The following ST3GAL5 variants were observed in gnomAD, a reference collection of about 807,000 sequenced individuals.
The protein encoded by ST3GAL5 is lactosylceramide alpha-2,3-sialyltransferase.
In ST3GAL5, 25 loss-of-function variants were observed where a neutral mutation model predicts 46.1. The observed-to-expected ratio is 0.54, with a 90% confidence interval of 0.40 to 0.76. ST3GAL5 has a LOEUF of 0.76. ST3GAL5 is among the 30% of genes least tolerant of loss of function. ST3GAL5 has a pLI of 0.00. For synonymous variants in ST3GAL5, 182 were observed against 192.7 expected, an observed-to-expected ratio of 0.94 and a Z score of 0.46; for missense variants, 431 against 521.2, an observed-to-expected ratio of 0.83 and a Z score of 1.69.
At chr2:85,844,150 T>C (rs1209936914) in intron 6 of ST3GAL5, among the ~76,000 whole-genome samples, 2 of 152,184 alleles carry the variant, frequency 1.3e-5, no homozygotes, top group African/African-American at 2.4e-5. Context: ...CTTAAAATAG[T>C]ATCTCAGTGA....
At chr2:85,860,471 A>G (rs1365457434) in intron 3 of ST3GAL5, among the ~76,000 whole-genome samples, 1 of 152,266 alleles carries the variant, frequency 6.6e-6, no homozygotes, top group East Asian at 1.9e-4. Context: ...TAAGCATTTG[A>G]TATGTCACTT....
chr2:85,838,333 G>C lies in ST3GAL5; in HGVS notation c.*1811C>G, dbSNP rs1003307488. ...CAAGTCTCCTCATACCAGCAAGGAG[G>C]CGCTCGTAGCATTAAGAACGTTGTC... On this transcript the variant is annotated 3_prime_UTR_variant, in exon 7 of 7. Coordinates refer to ENST00000638572, the MANE Select transcript of ST3GAL5 (RefSeq NM_003896.4). 1 of 152,150 alleles carries C rather than the reference G, an allele frequency of 6.6e-6. No individual in the cohort carries two copies. Among genetic ancestry groups the C allele is most frequent in the Non-Finnish European group, 1.5e-5 (1 of 68,056 alleles). The allele number at this position is 152,150 out of a possible 1,614,324, so 9.4% of individuals were successfully genotyped here.
chr2:85,859,057 T>C (rs1684453434), intron 3 of ST3GAL5, among the ~76,000 whole-genome samples: 1 of 152,220 alleles, frequency 6.6e-6, no homozygotes, highest in Admixed American at 6.5e-5. Flanking sequence ...TTGACACAGA[T>C]GTGCCTGGCT....
intron 1 of ST3GAL5, among the ~76,000 whole-genome samples, chr2:85,865,253 G>C (rs1050685845): frequency 2.0e-5 from 3 of 152,050 alleles, no homozygotes; most frequent in African/African-American, 7.2e-5. Flanking sequence ...GTTTTTAGTT[G>C]GATGGAAGAA....
upstream of ST3GAL5, chr2:85,889,006 C>T (rs1217596129): frequency 2.2e-6 from 2 of 927,904 alleles, no homozygotes; most frequent in Non-Finnish European, 2.8e-6. Flanking sequence ...CCGCCGCTCC[C>T]CCGCTCAGAT....
intron 1 of ST3GAL5, among the ~76,000 whole-genome samples, chr2:85,863,997 C>T (rs1026165284): frequency 2.0e-5 from 3 of 152,192 alleles, no homozygotes; most frequent in African/African-American, 7.2e-5. Flanking sequence ...TGAGCCACTG[C>T]ACCCGGCTGA....
At chr2:85,863,840 T>G (rs928150211) in intron 1 of ST3GAL5, among the ~76,000 whole-genome samples, 12 of 152,226 alleles carry the variant, frequency 7.9e-5, no homozygotes, top group Middle Eastern at 6.8e-3. Flanking sequence ...CCTGAGTGGC[T>G]GGGATTACAG....
intron 1 of ST3GAL5, among the ~76,000 whole-genome samples, chr2:85,882,874 C>T (rs1221880031): frequency 6.6e-6 from 1 of 150,748 alleles, no homozygotes; most frequent in African/African-American, 2.4e-5. Context: ...GGATTTCGGA[C>T]TTGCATGGTG....
intron 3 of ST3GAL5, chr2:85,858,213 A>T (rs143697584): frequency 1.7e-3 from 256 of 152,380 alleles, no homozygotes; most frequent in African/African-American, 6.1e-3. Context: ...CCAGTCAGGC[A>T]CTGGCAAATT....
intron 1 of ST3GAL5, among the ~76,000 whole-genome samples, chr2:85,881,776 TG>T (rs1402700066): frequency 3.2e-5 from 1 of 31,294 alleles, no homozygotes. Flanking sequence ...ATTTGCAGCC[TG>T]ACTATGTGAC....
intron 1 of ST3GAL5, among the ~76,000 whole-genome samples, chr2:85,876,689 C>G (rs977520804): frequency 1.3e-5 from 2 of 152,080 alleles, no homozygotes; most frequent in African/African-American, 4.8e-5. Context: ...TCTTGAACTC[C>G]TGACCTCAAG....
chr2:85,867,923 T>C, intron 1 of ST3GAL5: 1 of 481,880 alleles, frequency 2.1e-6, no homozygotes, highest in Non-Finnish European at 3.9e-6. Flanking sequence ...TGCTTTAGCC[T>C]CCACAGTATA....
At chr2:85,853,060 T>A (rs1683708629) in intron 3 of ST3GAL5, 1 of 1,304,136 alleles carries the variant, frequency 7.7e-7, no homozygotes, top group Admixed American at 2.3e-5. Flanking sequence ...CATAATTAAC[T>A]GCACGCAATG....
intron 1 of ST3GAL5, among the ~76,000 whole-genome samples, chr2:85,874,625 A>C (rs1157235902): frequency 6.6e-6 from 1 of 151,972 alleles, no homozygotes; most frequent in Non-Finnish European, 1.5e-5. Context: ...CCACTGATAC[A>C]TATTTGCCTA....
chr2:85,845,182 A>G (rs1469287906), intron 5 of ST3GAL5: 1 of 159,518 alleles, frequency 6.3e-6, no homozygotes, highest in African/African-American at 2.4e-5. Context: ...GTATTTGAAT[A>G]TAATGGGTGA....
At position 85,840,210 on chromosome 2, in the gene ST3GAL5, G is replaced by A; in HGVS notation, c.1191C>T (p.Phe397=). ...TMHNVTTETK[F]LLKLVKEGVV... ...CTCCCTCTTTGACCAGCTTTAAGAG[G>A]AACTTGGTTTCCGTTGTCACATTAT... The change falls in exon 7 of 7, where the codon TTC becomes TTT. Residue 397 remains phenylalanine, a synonymous_variant. Coordinates refer to ENST00000638572, the MANE Select transcript of ST3GAL5 (RefSeq NM_003896.4). 2 of 1,614,124 alleles carry A rather than the reference G, an allele frequency of 1.2e-6. No individual in the cohort carries two copies. Among genetic ancestry groups the A allele is most frequent in the Non-Finnish European group, 1.7e-6 (2 of 1,180,016 alleles).
At chr2:85,885,797 C>G (rs1402361656) in intron 1 of ST3GAL5, among the ~76,000 whole-genome samples, 2 of 151,366 alleles carry the variant, frequency 1.3e-5, no homozygotes, top group Non-Finnish European at 2.9e-5. Flanking sequence ...TGCACTCCAG[C>G]CTGGGCGACG....
At chr2:85,884,235 G>C (rs985835786) in intron 1 of ST3GAL5, among the ~76,000 whole-genome samples, 8 of 152,282 alleles carry the variant, frequency 5.3e-5, no homozygotes, top group South Asian at 4.1e-4. Flanking sequence ...TGAGAATAAA[G>C]TGAGTAGGAA....
Position 85,848,272 on chromosome 2 carries a change from G to A in ST3GAL5, c.319-68C>T. Reference sequence around the variant, plus strand: ...GCATTAAAAATATACTCTTCTAGATGACAATTTGTCCTATGATGTCTGATG... The same window carrying A: ...GCATTAAAAATATACTCTTCTAGATAACAATTTGTCCTATGATGTCTGATG... On this transcript the variant is annotated intron_variant, in intron 3 of 6. Coordinates refer to ENST00000638572, the MANE Select transcript of ST3GAL5 (RefSeq NM_003896.4). 3 of 1,612,548 alleles carry A rather than the reference G, an allele frequency of 1.9e-6. No individual in the cohort carries two copies. In the South Asian group the frequency reaches 3.3e-5, roughly 18 times the overall value.
Sources: gnomAD v4.1 joint callset for allele counts (sites outside exome capture counted in the v4.1 genomes callset) on GRCh38, gnomAD v4.1.1 for gene constraint, MANE v1.5 for transcripts, NCBI Gene and HGNC (gene_info 2026-07-23, HGNC 2026-07-21) for gene names.